KCNQ1OT1: variants seen among roughly 807,000 people sequenced by gnomAD.
KCNQ1OT1 encodes the protein KCNQ1 antisense RNA 2 (non-protein coding).
exon 1 of KCNQ1OT1, chr11:2,616,204 G>A: frequency 2.7e-6 from 1 of 371,252 alleles, no homozygotes; most frequent in Non-Finnish European, 4.7e-6. Context: ...TCCCACTTTT[G>A]TTTTTTTTTC....
At chr11:2,667,247 C>T (rs900332308) in exon 1 of KCNQ1OT1, 16 of 398,548 alleles carry the variant, frequency 4.0e-5, no homozygotes, top group African/African-American at 1.2e-4. Context: ...CGTCTGAGCA[C>T]GTGAGGAAGA....
chr11:2,610,506 A>G (rs542890373), exon 1 of KCNQ1OT1: 29 of 398,428 alleles, frequency 7.3e-5, no homozygotes, highest in East Asian at 4.6e-4. Flanking sequence ...TTACTCTAGA[A>G]CAGCTTTGCT....
At chr11:2,660,981 T>C (rs1564848670) in exon 1 of KCNQ1OT1, 3 of 398,638 alleles carry the variant, frequency 7.5e-6, no homozygotes, top group Non-Finnish European at 8.8e-6. Flanking sequence ...TGGACTATTA[T>C]GTAATGACTA....
exon 1 of KCNQ1OT1, chr11:2,686,306 C>T: frequency 2.5e-6 from 1 of 398,756 alleles, no homozygotes; most frequent in Non-Finnish European, 4.4e-6. Context: ...ACAGACCACA[C>T]TAGTGTCACC....
Position 2,658,815 on chromosome 11 carries a change from T to G in KCNQ1OT1, n.41180A>C. 1 of 398,556 alleles carries G rather than the reference T, an allele frequency of 2.5e-6. No individual in the cohort carries two copies. Among genetic ancestry groups the G allele is most frequent in the Non-Finnish European group, 4.4e-6 (1 of 226,068 alleles). 24.7% of individuals were successfully genotyped at this position (398,556 alleles called of 1,614,324 possible). ...CCTTGCCCCCTCCCCCACAACTTAT[T>G]TATAGCTTTTTCTCTGACAGCTAGA... On this transcript the variant is annotated non_coding_transcript_exon_variant, in exon 1 of 1. Coordinates refer to ENST00000597346, the Ensembl canonical transcript of KCNQ1OT1. This position sits in a 1 kb window ranked among gnomAD's most constrained non-coding sequence, Gnocchi z 4.9.
rs1849260996 is a variant in KCNQ1OT1 at position 2,626,276 on chromosome 11, T to C, written n.73719A>G. 2.5e-6 allele frequency: 1 copy of C among 398,414 alleles called. No homozygotes were observed. The allele number at this position is 398,414 out of a possible 1,614,324, so 24.7% of individuals were successfully genotyped here. Reference sequence around the variant, plus strand: ...TCATTCTCTTTTATACATGGTTAGGTAAGGATCTCAACTTCATTCTCTTGA... The same window carrying C: ...TCATTCTCTTTTATACATGGTTAGGCAAGGATCTCAACTTCATTCTCTTGA... On this transcript the variant is annotated non_coding_transcript_exon_variant, in exon 1 of 1. Transcript: ENST00000597346. The surrounding 1 kb of genome is among the most constrained non-coding windows in gnomAD (Gnocchi z 4.0).
chr11:2,697,202 T>C (rs1406939780), exon 1 of KCNQ1OT1: 4 of 398,528 alleles, frequency 1.0e-5, no homozygotes, highest in Non-Finnish European at 1.8e-5. Context: ...TTTTAACTTC[T>C]AAGATGGTAA....
rs1322861528 is a variant in KCNQ1OT1 at position 2,695,115 on chromosome 11, G to C, written n.4880C>G. 2.5e-6 allele frequency: 1 copy of C among 398,658 alleles called. No individual in the cohort carries two copies. Among genetic ancestry groups the C allele is most frequent in the Admixed American group, 4.4e-5 (1 of 22,740 alleles). 24.7% of individuals were successfully genotyped at this position (398,658 alleles called of 1,614,324 possible). A position where few individuals can be genotyped will look rare whatever the true frequency, so the allele number is the denominator to read the frequency against. Reference sequence around the variant, plus strand: ...CCACTAGAGGGTATCTGGCAGGAGAGTCATGGAGGCACATTCATTCGTTGG... The same window carrying C: ...CCACTAGAGGGTATCTGGCAGGAGACTCATGGAGGCACATTCATTCGTTGG... On this transcript the variant is annotated non_coding_transcript_exon_variant, in exon 1 of 1. Coordinates refer to ENST00000597346, the Ensembl canonical transcript of KCNQ1OT1. The surrounding 1 kb of genome is among the most constrained non-coding windows in gnomAD (Gnocchi z 5.2).
rs1849217291 is a variant in KCNQ1OT1, at chr11:2,623,880, A to G, written n.76115T>C. ...ACTCTGGATTCTTCGGGGGATATGTATACACATTCAGAAGTGGAATTGATG... is the reference window on the plus strand; with the variant it reads ...ACTCTGGATTCTTCGGGGGATATGTGTACACATTCAGAAGTGGAATTGATG... On this transcript the variant is annotated non_coding_transcript_exon_variant, in exon 1 of 1. Coordinates refer to ENST00000597346, the Ensembl canonical transcript of KCNQ1OT1. The surrounding 1 kb of genome is among the most constrained non-coding windows in gnomAD (Gnocchi z 5.2). The G allele has an allele frequency of 5.0e-6, 2 of 398,474 alleles. No homozygotes were observed. Among genetic ancestry groups the G allele is most frequent in the African/African-American group, 2.1e-5 (1 of 48,618 alleles). 24.7% of individuals were successfully genotyped at this position (398,474 alleles called of 1,614,324 possible). A position where few individuals can be genotyped will look rare whatever the true frequency, so the allele number is the denominator to read the frequency against.
exon 1 of KCNQ1OT1, chr11:2,662,834 AC>A (rs1461295025): frequency 7.5e-6 from 3 of 398,724 alleles, no homozygotes; most frequent in African/African-American, 4.1e-5. Context: ...TCTGAGGGTC[AC>A]TTGTGGAAAC....
chr11:2,654,984 A>G lies in KCNQ1OT1; in HGVS notation n.45011T>C. On this transcript the variant is annotated non_coding_transcript_exon_variant, in exon 1 of 1. Coordinates refer to ENST00000597346, the Ensembl canonical transcript of KCNQ1OT1. This position sits in a 1 kb window ranked among gnomAD's most constrained non-coding sequence, Gnocchi z 6.4. ...TTGACTTGGAAAAGTATCATGCAAA[A>G]TAGAAAACACAGACACAATAAGGAA... 1 of 398,678 alleles carries G rather than the reference A, an allele frequency of 2.5e-6. No individual in the cohort carries two copies. Among genetic ancestry groups the G allele is most frequent in the Non-Finnish European group, 4.4e-6 (1 of 226,090 alleles). 24.7% of individuals were successfully genotyped at this position (398,678 alleles called of 1,614,324 possible).
At position 2,692,927 on chromosome 11, in the gene KCNQ1OT1, C is replaced by G. The variant is rs534323912; in HGVS notation, n.7068G>C. The G allele has an allele frequency of 3.8e-5, 15 of 398,666 alleles. No homozygotes were observed. The South Asian group carries it at 1.9e-3, about 51-fold the overall frequency. The allele number at this position is 398,666 out of a possible 1,614,324, so 24.7% of individuals were successfully genotyped here. A position where few individuals can be genotyped will look rare whatever the true frequency, so the allele number is the denominator to read the frequency against. ...ATCAACTGTAGCATGGCCTATGTCC[C>G]AAGCAGGTTGTCCTGCCCATACGCT... On this transcript the variant is annotated non_coding_transcript_exon_variant, in exon 1 of 1. Coordinates refer to ENST00000597346, the Ensembl canonical transcript of KCNQ1OT1.
chr11:2,662,584 T>C (rs929346132), exon 1 of KCNQ1OT1: 6 of 419,530 alleles, frequency 1.4e-5, no homozygotes, highest in Admixed American at 7.8e-5. Flanking sequence ...CTGGGATGCA[T>C]GCCCGTCCTC....
rs1849166989 is a variant in KCNQ1OT1, at chr11:2,621,234, T to A, written n.78761A>T. 2.5e-6 allele frequency: 1 copy of A among 398,064 alleles called. No individual in the cohort carries two copies. Among genetic ancestry groups the A allele is most frequent in the Non-Finnish European group, 4.4e-6 (1 of 226,068 alleles). 24.7% of individuals were successfully genotyped at this position (398,064 alleles called of 1,614,324 possible). A position where few individuals can be genotyped will look rare whatever the true frequency, so the allele number is the denominator to read the frequency against. On this transcript the variant is annotated non_coding_transcript_exon_variant, in exon 1 of 1. Coordinates refer to ENST00000597346, the Ensembl canonical transcript of KCNQ1OT1. This position sits in a 1 kb window ranked among gnomAD's most constrained non-coding sequence, Gnocchi z 5.7. ...CCCAGATGATCCACGCACCTCAGCCTCCCAAAGTGCTAGGACTACAGGCAT... is the reference window on the plus strand; with the variant it reads ...CCCAGATGATCCACGCACCTCAGCCACCCAAAGTGCTAGGACTACAGGCAT...
rs1372360120 is a variant in KCNQ1OT1, at chr11:2,646,365, C to G, written n.53630G>C. On this transcript the variant is annotated non_coding_transcript_exon_variant, in exon 1 of 1. Transcript: ENST00000597346. ...GGGATGTCTCAAAAAATTTTGTAGC[C>G]TCTTCAATTACTGTTATCAGTATTT... The G allele has an allele frequency of 1.0e-5, 4 of 398,538 alleles. No individual in the cohort carries two copies. The East Asian group carries it at 1.4e-4, about 14-fold the overall frequency. 24.7% of individuals were successfully genotyped at this position (398,538 alleles called of 1,614,324 possible).
rs1045102915 is a variant in KCNQ1OT1, at chr11:2,621,558, G to A, written n.78437C>T. The A allele has an allele frequency of 1.8e-5, 7 of 398,216 alleles. No homozygotes were observed. The highest frequency in any genetic ancestry group is 3.1e-5 in the Non-Finnish European group (7 of 225,986). The allele number at this position is 398,216 out of a possible 1,614,324, so 24.7% of individuals were successfully genotyped here. ...CAGAAGCTCTTTAGTTTACCACTGT[G>A]ATCTCTTTGCTATTGGTCTGTTCAG... On this transcript the variant is annotated non_coding_transcript_exon_variant, in exon 1 of 1. Coordinates refer to ENST00000597346, the Ensembl canonical transcript of KCNQ1OT1. The surrounding 1 kb of genome is among the most constrained non-coding windows in gnomAD (Gnocchi z 5.7).
At chr11:2,667,076 A>G (rs1300568840) in exon 1 of KCNQ1OT1, 1 of 398,450 alleles carries the variant, frequency 2.5e-6, no homozygotes, top group African/African-American at 2.1e-5. Context: ...GCACGGGGGG[A>G]TTAAATGTTC....
At position 2,698,147 on chromosome 11, in the gene KCNQ1OT1, CAG is replaced by C. The variant is rs143134773; in HGVS notation, n.1846_1847del. On this transcript the variant is annotated non_coding_transcript_exon_variant, in exon 1 of 1. Transcript: ENST00000597346. The surrounding 1 kb of genome is among the most constrained non-coding windows in gnomAD (Gnocchi z 5.1). The stretch of plus-strand genomic sequence containing the variant: ...ACAGAGCAGGCAGCAGAAAACAAAA[CAG>C]AGTTCCTCGTTGGGAGCTTTTGGTC... 244 of 398,642 alleles carry C rather than the reference CAG, an allele frequency of 6.1e-4. No individual in the cohort carries two copies. The East Asian group carries it at 8.7e-3, about 14-fold the overall frequency. The allele number at this position is 398,642 out of a possible 1,614,324, so 24.7% of individuals were successfully genotyped here. A position where few individuals can be genotyped will look rare whatever the true frequency, so the allele number is the denominator to read the frequency against.
Position 2,661,418 on chromosome 11 carries a change from G to A in KCNQ1OT1, n.38577C>T, listed in dbSNP as rs759259424. On this transcript the variant is annotated non_coding_transcript_exon_variant, in exon 1 of 1. Coordinates refer to ENST00000597346, the Ensembl canonical transcript of KCNQ1OT1. This position sits in a 1 kb window ranked among gnomAD's most constrained non-coding sequence, Gnocchi z 5.9. ...TTGGAGGGACTCCTGTGCCTCATTG[G>A]GGGTACAACTGGTTGATGTAGCATC... is the stretch of plus-strand genomic sequence containing the variant. The A allele has an allele frequency of 3.1e-5, 13 of 415,038 alleles. No homozygotes were observed. The highest frequency in any genetic ancestry group is 4.3e-5 in the Non-Finnish European group (10 of 235,076). The allele number at this position is 415,038 out of a possible 1,614,324, so 25.7% of individuals were successfully genotyped here. A position where few individuals can be genotyped will look rare whatever the true frequency, so the allele number is the denominator to read the frequency against.
Sources: allele counts gnomAD v4.1 joint callset, GRCh38; gene constraint gnomAD v4.1.1; non-coding constraint Gnocchi (gnomAD v3.1); transcripts MANE v1.5; gene names NCBI Gene and HGNC (gene_info 2026-07-23, HGNC 2026-07-21).